Variants in MAP3K9 observed in about 807,000 individuals in gnomAD.
MAP3K9 encodes the protein mitogen-activated protein kinase kinase kinase 9, also known as mixed lineage kinase 1 (tyr and ser/thr specificity).
Under a neutral mutation model 95.8 loss-of-function variants are expected in MAP3K9, and 46 were observed. That is an observed-to-expected ratio of 0.48 (90% CI 0.38 to 0.61). MAP3K9 has a LOEUF of 0.61. MAP3K9 is among the 20% of genes least tolerant of loss of function. MAP3K9 has a pLI of 0.00. For synonymous variants in MAP3K9, 533 were observed against 593.8 expected (o/e 0.90, Z 1.49); for missense variants, 1,296 against 1,474.3 (o/e 0.88, Z 1.98).
chr14:70,773,563 T>C (rs2054557562), intron 2 of MAP3K9, among the ~76,000 whole-genome samples: 1 of 152,226 alleles, frequency 6.6e-6, no homozygotes, highest in Non-Finnish European at 1.5e-5. Context: ...TCCAGCCTCC[T>C]TGTTCTGAGA....
At chr14:70,735,902 G>T in intron 9 of MAP3K9, 59 bp downstream of exon 9, 1 of 1,269,208 alleles carries the variant, frequency 7.9e-7, no homozygotes, top group Non-Finnish European at 1.2e-6. Context: ...GTAAGAACAA[G>T]GAAATGGAAG....
At position 70,790,461 on chromosome 14, in the gene MAP3K9, C is replaced by T. The variant is rs542407154; in HGVS notation, c.820+10206G>A. On this transcript the variant is annotated intron_variant, in intron 2 of 11. Coordinates refer to ENST00000554752, the MANE Select transcript of MAP3K9 (RefSeq NM_001284230.2). ...ATCTGAGGTCCAGAGAGATCACAGACGTGCCCAAGGCCACCCGGCCAGTCA... is the reference window on the plus strand; with the variant it reads ...ATCTGAGGTCCAGAGAGATCACAGATGTGCCCAAGGCCACCCGGCCAGTCA... 1.8e-4 allele frequency among the ~76,000 whole-genome samples: 28 copies of T among 152,336 alleles called. No individual in the cohort carries two copies. The South Asian group carries it at 3.5e-3, about 19-fold the overall frequency.
intron 3 of MAP3K9, among the ~76,000 whole-genome samples, chr14:70,756,897 A>G (rs1351864697): frequency 6.6e-6 from 1 of 152,236 alleles, no homozygotes; most frequent in Non-Finnish European, 1.5e-5. Flanking sequence ...TCTCATTAGC[A>G]TATGGTCAAG....
chr14:70,778,032 T>A lies in MAP3K9; in HGVS notation c.821-16850A>T, dbSNP rs189174425. On this transcript the variant is annotated intron_variant, in intron 2 of 11. Transcript: ENST00000554752. ...GGAAAAGAGAGGGATAAATAGATGATCCTATAAAGGAAACTAGGACGGAAC... is the reference window on the plus strand; with the variant it reads ...GGAAAAGAGAGGGATAAATAGATGAACCTATAAAGGAAACTAGGACGGAAC... Among the ~76,000 whole-genome samples, 113 of 152,218 alleles carry A rather than the reference T, an allele frequency of 7.4e-4. 1 individual carries two copies. The highest frequency in any genetic ancestry group is 7.4e-3 in the Admixed American group (113 of 15,288).
intron 2 of MAP3K9, among the ~76,000 whole-genome samples, chr14:70,768,922 T>C (rs1316155577): frequency 6.6e-6 from 1 of 152,254 alleles, no homozygotes; most frequent in Non-Finnish European, 1.5e-5. Context: ...TTCAATGCCA[T>C]CTCTCCTACA....
intron 3 of MAP3K9, among the ~76,000 whole-genome samples, chr14:70,757,690 T>C (rs573113583): frequency 6.6e-6 from 1 of 152,160 alleles, no homozygotes; most frequent in Non-Finnish European, 1.5e-5. Context: ...AAGGGTGGTA[T>C]TGGCATAAGG....
At chr14:70,744,922 TG>T (rs1440101699) in intron 5 of MAP3K9, among the ~76,000 whole-genome samples, 1 of 152,202 alleles carries the variant, frequency 6.6e-6, no homozygotes, top group African/African-American at 2.4e-5. Flanking sequence ...CCACATCAGA[TG>T]GCAGAACCTC....
At chr14:70,793,408 C>G (rs1385872919) in intron 2 of MAP3K9, among the ~76,000 whole-genome samples, 1 of 152,124 alleles carries the variant, frequency 6.6e-6, no homozygotes, top group Non-Finnish European at 1.5e-5. Flanking sequence ...TCCATATGGC[C>G]GGGCCTGGTG....
intron 3 of MAP3K9, among the ~76,000 whole-genome samples, chr14:70,760,389 G>C (rs2054356970): frequency 6.6e-6 from 1 of 152,112 alleles, no homozygotes; most frequent in Non-Finnish European, 1.5e-5. Context: ...GAGGATGGCT[G>C]GTCATTTCTA....
chr14:70,779,724 A>C (rs1448052332), intron 2 of MAP3K9, among the ~76,000 whole-genome samples: 1 of 152,230 alleles, frequency 6.6e-6, no homozygotes, highest in Non-Finnish European at 1.5e-5. Flanking sequence ...ACCAACTCAC[A>C]TATTACTGAC....
chr14:70,741,408 T>A (rs1424185949), intron 6 of MAP3K9, among the ~76,000 whole-genome samples: 2 of 152,164 alleles, frequency 1.3e-5, no homozygotes, highest in African/African-American at 4.8e-5. Flanking sequence ...ACACTTCTAA[T>A]AAGCCTGCTT....
At chr14:70,731,078 G>A (rs1345712242) in intron 11 of MAP3K9, among the ~76,000 whole-genome samples, 3 of 151,490 alleles carry the variant, frequency 2.0e-5, no homozygotes, top group Non-Finnish European at 4.4e-5. Flanking sequence ...TAGGACATTT[G>A]GGGGTCACAT....
At position 70,727,929 on chromosome 14, in the gene MAP3K9, C is replaced by T. The variant is rs2053840758; in HGVS notation, c.*2451G>A. 6.6e-6 allele frequency: 1 copy of T among 152,154 alleles called. No individual in the cohort carries two copies. Among genetic ancestry groups the T allele is most frequent in the Admixed American group, 6.6e-5 (1 of 15,264 alleles). 9.4% of individuals were successfully genotyped at this position (152,154 alleles called of 1,614,324 possible). ...CTAGAAAGATGGCTGCAACCTACCACAATGGCAAAAGTTAAAAATGAGCAA... is the reference window on the plus strand; with the variant it reads ...CTAGAAAGATGGCTGCAACCTACCATAATGGCAAAAGTTAAAAATGAGCAA... On this transcript the variant is annotated 3_prime_UTR_variant, in exon 12 of 12. Transcript: ENST00000554752.
rs536383965 is a variant in MAP3K9 at position 70,726,511 on chromosome 14, C to T, written c.*3869G>A. The T allele has an allele frequency of 2.0e-5, 3 of 152,368 alleles. No individual in the cohort carries two copies. In the South Asian group the frequency reaches 6.2e-4, roughly 32 times the overall value. The allele number at this position is 152,368 out of a possible 1,614,324, so 9.4% of individuals were successfully genotyped here. The stretch of plus-strand genomic sequence containing the variant: ...TCATTTCCTTCTCTGTAAGACACAA[C>T]CTCCCTCTCCCATTTCCTTCTCTGT... On this transcript the variant is annotated 3_prime_UTR_variant, in exon 12 of 12. Coordinates refer to ENST00000554752, the MANE Select transcript of MAP3K9 (RefSeq NM_001284230.2).
At position 70,730,425 on chromosome 14, in the gene MAP3K9, T is replaced by G; in HGVS notation, c.3270A>C (p.Thr1090=). 6.2e-7 allele frequency: 1 copy of G among 1,614,138 alleles called. No homozygotes were observed. The highest frequency in any genetic ancestry group is 8.5e-7 in the Non-Finnish European group (1 of 1,179,996). ...TVPLCRAELN[T]HRPAPYEIQQ... ...GGATCTCATAAGGGGCAGGCCTGTG[T>G]GTGTTCAGTTCCGCTCTGCACAGCG... The change falls in exon 12 of 12, where the codon ACA becomes ACC. Residue 1090 remains threonine, a synonymous_variant. Transcript: ENST00000554752.
At chr14:70,747,210 T>A (rs551659074) in intron 5 of MAP3K9, among the ~76,000 whole-genome samples, 76 of 152,232 alleles carry the variant, frequency 5.0e-4, no homozygotes, top group Non-Finnish European at 8.1e-4. Context: ...CATCTTGAAT[T>A]GTAGTTTCCA....
intron 2 of MAP3K9, among the ~76,000 whole-genome samples, chr14:70,763,536 T>C (rs1197616297): frequency 7.1e-5 from 2 of 28,030 alleles, no homozygotes; most frequent in Non-Finnish European, 1.6e-4. Context: ...TGTATTTACT[T>C]TTTTTTTTTT....
intron 5 of MAP3K9, among the ~76,000 whole-genome samples, chr14:70,744,957 A>G (rs1400584747): frequency 6.6e-6 from 1 of 152,204 alleles, no homozygotes; most frequent in African/African-American, 2.4e-5. Context: ...CTTTATCCTT[A>G]CGCATGAGTT....
At chr14:70,744,565 T>G (rs999237064) in intron 5 of MAP3K9, among the ~76,000 whole-genome samples, 1 of 152,194 alleles carries the variant, frequency 6.6e-6, no homozygotes, top group African/African-American at 2.4e-5. Flanking sequence ...TGGTTTCAAC[T>G]CTCACCTTAT....
Sources: allele counts gnomAD v4.1 joint callset (sites outside exome capture counted in the v4.1 genomes callset), GRCh38; gene constraint gnomAD v4.1.1; transcripts MANE v1.5; gene names NCBI Gene and HGNC (gene_info 2026-07-23, HGNC 2026-07-21).